GRK3: variants seen among roughly 807,000 people sequenced by gnomAD.
The protein encoded by GRK3 is G protein-coupled receptor kinase 3, also known as adrenergic, beta, receptor kinase 2.
A neutral mutation model predicts 95.7 loss-of-function variants in GRK3; 54 were observed. That is an observed-to-expected ratio of 0.56 (90% confidence interval 0.45 to 0.71). The LOEUF (loss-of-function observed/expected upper bound fraction) is 0.71. GRK3 is among the 30% of genes least tolerant of loss of function. The pLI is 0.00. For missense variants in GRK3, 649 were observed against 851.2 expected, an observed-to-expected ratio of 0.76 and a Z score of 2.96; for synonymous variants, 281 against 290.8, an observed-to-expected ratio of 0.97 and a Z score of 0.34.
chr22:25,599,489 G>A (rs2084394437), intron 1 of GRK3, among the ~76,000 whole-genome samples: 1 of 151,636 alleles, frequency 6.6e-6, no homozygotes, highest in South Asian at 2.1e-4. Context: ...CTACTCGGGA[G>A]GCTGAGGCAG....
intron 1 of GRK3, among the ~76,000 whole-genome samples, chr22:25,571,855 CT>C (rs377288429): frequency 0.03 from 4,504 of 150,174 alleles, 119 homozygotes; most frequent in Middle Eastern, 0.068. Flanking sequence ...CTTACTCACA[CT>C]TTTTTTTTTA....
chr22:25,660,515 C>G (rs1007067349), intron 3 of GRK3, among the ~76,000 whole-genome samples: 1 of 152,176 alleles, frequency 6.6e-6, no homozygotes, highest in African/African-American at 2.4e-5. Context: ...AACCTGCTAG[C>G]CCTCATATGA....
chr22:25,592,446 G>A (rs1156804994), intron 1 of GRK3, among the ~76,000 whole-genome samples: 1 of 152,076 alleles, frequency 6.6e-6, no homozygotes, highest in Non-Finnish European at 1.5e-5. Flanking sequence ...ATCCTCTTAA[G>A]TGTCTTTTCA....
At chr22:25,646,017 C>T (rs1206432883) in intron 3 of GRK3, among the ~76,000 whole-genome samples, 1 of 151,940 alleles carries the variant, frequency 6.6e-6, no homozygotes, top group African/African-American at 2.4e-5. Context: ...ATGATGAGCT[C>T]CCTCCTTACC....
At chr22:25,673,794 A>G (rs1017406112) in intron 7 of GRK3, among the ~76,000 whole-genome samples, 1 of 152,056 alleles carries the variant, frequency 6.6e-6, no homozygotes, top group African/African-American at 2.4e-5. Context: ...GAAGTGGGGC[A>G]TTACTGAGAT....
intron 3 of GRK3, among the ~76,000 whole-genome samples, chr22:25,650,899 A>G (rs1395313658): frequency 1.3e-5 from 2 of 152,180 alleles, no homozygotes; most frequent in Non-Finnish European, 2.9e-5. Context: ...TCACTTTTAA[A>G]GTCTACTTAA....
At chr22:25,714,335 G>A in intron 17 of GRK3, 73 bp from the exon 18 acceptor site, 5 of 1,315,546 alleles carry the variant, frequency 3.8e-6, no homozygotes, top group Non-Finnish European at 5.3e-6. Context: ...AGTCACCATG[G>A]ATGTGGCGCC....
intron 1 of GRK3, among the ~76,000 whole-genome samples, chr22:25,597,797 G>A (rs1343413196): frequency 2.0e-5 from 3 of 152,152 alleles, no homozygotes; most frequent in Non-Finnish European, 4.4e-5. Context: ...ACCTATGCAC[G>A]CAGAAGACAG....
chr22:25,720,832 T>C (rs2085426553), intron 19 of GRK3, among the ~76,000 whole-genome samples: 1 of 152,202 alleles, frequency 6.6e-6, no homozygotes, highest in Non-Finnish European at 1.5e-5. Context: ...ATTGGGATAC[T>C]ATCAAAATAT....
chr22:25,623,392 C>G (rs936895810), intron 2 of GRK3, among the ~76,000 whole-genome samples: 2 of 152,214 alleles, frequency 1.3e-5, no homozygotes, highest in African/African-American at 2.4e-5. Context: ...TTGTGCTGCT[C>G]TCTGTCTCCT....
intron 6 of GRK3, among the ~76,000 whole-genome samples, chr22:25,670,474 C>T (rs566044210): frequency 6.6e-6 from 1 of 151,934 alleles, no homozygotes; most frequent in African/African-American, 2.4e-5. Context: ...GCACTCCGGC[C>T]TGGGACACAG....
intron 2 of GRK3, among the ~76,000 whole-genome samples, chr22:25,635,511 G>A (rs2084694052): frequency 6.6e-6 from 1 of 152,142 alleles, no homozygotes; most frequent in African/African-American, 2.4e-5. Context: ...TCAGGATTGA[G>A]TGTGGGATCA....
chr22:25,667,528 T>C (rs1440488248), intron 5 of GRK3, among the ~76,000 whole-genome samples: 2 of 152,232 alleles, frequency 1.3e-5, no homozygotes, highest in Non-Finnish European at 2.9e-5. Flanking sequence ...AGGGCAGACT[T>C]GTCTGTGTCT....
At chr22:25,606,964 C>G (rs112412301) in intron 2 of GRK3, among the ~76,000 whole-genome samples, 2 of 152,226 alleles carry the variant, frequency 1.3e-5, no homozygotes, top group African/African-American at 4.8e-5. Flanking sequence ...GCCCTTAACA[C>G]GACAATTGGC....
intron 16 of GRK3, 143 bp from the exon 17 acceptor site, chr22:25,710,925 T>C (rs1476468525): frequency 8.8e-6 from 4 of 456,578 alleles, no homozygotes; most frequent in Non-Finnish European, 1.6e-5. Flanking sequence ...AAATATGAAA[T>C]GTGATTTGTT....
intron 3 of GRK3, among the ~76,000 whole-genome samples, chr22:25,655,432 T>C (rs2084863241): frequency 6.6e-6 from 1 of 152,256 alleles, no homozygotes; most frequent in African/African-American, 2.4e-5. Flanking sequence ...TAGCTTTCTC[T>C]AAGGTCTAGC....
chr22:25,723,875 T>C lies in GRK3; in HGVS notation c.*1425T>C, dbSNP rs1323269729. The C allele has an allele frequency of 6.6e-6, 1 of 152,110 alleles. No homozygotes were observed. The highest frequency in any genetic ancestry group is 6.5e-5 in the Admixed American group (1 of 15,268). 9.4% of individuals were successfully genotyped at this position (152,110 alleles called of 1,614,324 possible). On this transcript the variant is annotated 3_prime_UTR_variant, in exon 21 of 21. Transcript: ENST00000324198. ...GTGTTCATGGGCAAAGTAAGTACTT[T>C]TTAATGCAGTTATTTTGAGAGTTTG...
intron 1 of GRK3, among the ~76,000 whole-genome samples, chr22:25,594,414 G>T (rs2146330721): frequency 6.6e-6 from 1 of 152,200 alleles, no homozygotes; most frequent in African/African-American, 2.4e-5. Context: ...GAAAACTACA[G>T]GCCAACATCC....
intron 5 of GRK3, 100 bp from the exon 6 acceptor site, chr22:25,667,639 G>A (rs2084951167): frequency 2.7e-6 from 2 of 748,580 alleles, no homozygotes. Flanking sequence ...TATGGGGAGT[G>A]CATAATTGGG....
Sources: gnomAD v4.1 joint callset for allele counts (sites outside exome capture counted in the v4.1 genomes callset) on GRCh38, gnomAD v4.1.1 for gene constraint, MANE v1.5 for transcripts, NCBI Gene and HGNC (gene_info 2026-07-23, HGNC 2026-07-21) for gene names.